The following GLDC variants were observed in gnomAD, a reference collection of about 807,000 sequenced individuals.
GLDC encodes the protein glycine dehydrogenase (decarboxylating), mitochondrial.
A neutral mutation model predicts 121.3 loss-of-function variants in GLDC; 104 were observed. The ratio of observed to expected loss-of-function variants is 0.86; its 90% confidence interval spans 0.73 to 1.01. The LOEUF is 1.01. GLDC is among the 50% of genes least tolerant of loss of function. The probability of loss-of-function intolerance (pLI) is 0.00; values close to 1 mark genes in which losing one functional copy is unlikely to be tolerated. For synonymous variants in GLDC, 546 were observed against 480.6 expected, an observed-to-expected ratio of 1.14 and a Z score of -1.78; for missense variants, 1,429 against 1,306.6, an observed-to-expected ratio of 1.09 and a Z score of -1.44.
intron 22 of GLDC, among the ~76,000 whole-genome samples, chr9:6,539,031 ATTAAATTTAAAAGATTTTTTT>A (rs1373411340): frequency 1.3e-5 from 2 of 151,166 alleles, no homozygotes; most frequent in Non-Finnish European, 3.0e-5. Flanking sequence ...TAGTGAAACT[ATTAAATTTAAAAGATTTTTTT>A]CTTTTTTTCC....
At chr9:6,556,727 G>A (rs1817639096) in intron 17 of GLDC, among the ~76,000 whole-genome samples, 1 of 151,672 alleles carries the variant, frequency 6.6e-6, no homozygotes, top group Non-Finnish European at 1.5e-5. Flanking sequence ...CGGTGAGGTG[G>A]AGGTTGTAGT....
At chr9:6,598,769 C>T (rs1818540918) in intron 8 of GLDC, among the ~76,000 whole-genome samples, 1 of 152,212 alleles carries the variant, frequency 6.6e-6, no homozygotes, top group Admixed American at 6.5e-5. Context: ...ATCAGACAAG[C>T]TGGAGTATGG....
At chr9:6,552,046 C>A (rs1285170308) in intron 20 of GLDC, among the ~76,000 whole-genome samples, 3 of 152,088 alleles carry the variant, frequency 2.0e-5, no homozygotes, top group Non-Finnish European at 4.4e-5. Context: ...TAGTGAGAAC[C>A]AGGTAAAGCA....
chr9:6,562,354 C>T (rs1817774429), intron 16 of GLDC, among the ~76,000 whole-genome samples: 1 of 152,118 alleles, frequency 6.6e-6, no homozygotes, highest in Admixed American at 6.5e-5. Flanking sequence ...GGAGCCCAGG[C>T]ACTTCTGTAG....
At chr9:6,630,364 C>A (rs1396632450) in intron 2 of GLDC, among the ~76,000 whole-genome samples, 2 of 152,018 alleles carry the variant, frequency 1.3e-5, no homozygotes, top group African/African-American at 4.8e-5. Context: ...CCCATCAGTC[C>A]CAGGCATCAG....
chr9:6,635,977 A>T (rs1453910713), intron 2 of GLDC, among the ~76,000 whole-genome samples: 1 of 152,240 alleles, frequency 6.6e-6, no homozygotes, highest in East Asian at 1.9e-4. Flanking sequence ...TAGAATGTGC[A>T]ACACCAAGAC....
At chr9:6,635,236 A>T (rs917848500) in intron 2 of GLDC, among the ~76,000 whole-genome samples, 2 of 152,242 alleles carry the variant, frequency 1.3e-5, no homozygotes, top group African/African-American at 4.8e-5. Flanking sequence ...TGCCTGAAGC[A>T]GTATCTTATC....
chr9:6,579,969 C>G (rs1227197599), intron 15 of GLDC, among the ~76,000 whole-genome samples: 2 of 152,190 alleles, frequency 1.3e-5, no homozygotes, highest in African/African-American at 4.8e-5. Context: ...GCTGTCAGTC[C>G]TCTGTTGGGG....
intron 3 of GLDC, among the ~76,000 whole-genome samples, chr9:6,613,602 A>G (rs1818905574): frequency 6.6e-6 from 1 of 152,234 alleles, no homozygotes; most frequent in Non-Finnish European, 1.5e-5. Context: ...TATGAAATAA[A>G]TTATTTAAGT....
intron 7 of GLDC, among the ~76,000 whole-genome samples, chr9:6,602,684 C>T (rs557665842): frequency 4.3e-4 from 65 of 152,194 alleles, no homozygotes; most frequent in Non-Finnish European, 7.9e-4. Flanking sequence ...TACTCTGAGA[C>T]ACCAAGATAT....
intron 24 of GLDC, among the ~76,000 whole-genome samples, chr9:6,533,531 T>C (rs77048887): frequency 0.014 from 2,073 of 152,306 alleles, 38 homozygotes; most frequent in African/African-American, 0.047. Flanking sequence ...ATTTATTTGC[T>C]ATGTCATTTT....
intron 8 of GLDC, among the ~76,000 whole-genome samples, chr9:6,596,482 T>TGG (rs1818496454): frequency 2.0e-5 from 3 of 152,216 alleles, no homozygotes; most frequent in Non-Finnish European, 4.4e-5. Flanking sequence ...GGCTCACGCC[T>TGG]GTAATCCCAA....
chr9:6,564,097 A>T (rs1314104004), intron 16 of GLDC, among the ~76,000 whole-genome samples: 1 of 152,006 alleles, frequency 6.6e-6, no homozygotes, highest in Non-Finnish European at 1.5e-5. Flanking sequence ...AAAATACAAA[A>T]ATTAGCCGGG....
chr9:6,622,588 G>C (rs929083489), intron 2 of GLDC, among the ~76,000 whole-genome samples: 4 of 152,196 alleles, frequency 2.6e-5, no homozygotes, highest in East Asian at 1.9e-4. Flanking sequence ...ATCTCGGCTC[G>C]CTACAACCTC....
chr9:6,577,417 C>G (rs1818087432), intron 15 of GLDC, among the ~76,000 whole-genome samples: 1 of 152,190 alleles, frequency 6.6e-6, no homozygotes, highest in Non-Finnish European at 1.5e-5. Context: ...CAACCTTATC[C>G]CATATCCATC....
intron 3 of GLDC, among the ~76,000 whole-genome samples, chr9:6,610,768 TTTTGTATTC>T (rs972460270): frequency 2.6e-5 from 4 of 152,114 alleles, no homozygotes; most frequent in African/African-American, 4.8e-5. Flanking sequence ...CTCAGCTAAT[TTTTGTATTC>T]TTTGTACAGC....
chr9:6,554,942 C>T (rs961447122), intron 18 of GLDC, 161 bp from the exon 19 acceptor site: 3 of 686,168 alleles, frequency 4.4e-6, no homozygotes, highest in Admixed American at 4.2e-5. Flanking sequence ...TGGCCCAGTT[C>T]CGTAGTCACA....
chr9:6,599,068 C>G (rs932357617), intron 8 of GLDC, among the ~76,000 whole-genome samples: 1 of 151,868 alleles, frequency 6.6e-6, no homozygotes, highest in Admixed American at 6.6e-5. Flanking sequence ...CCTGTAATCC[C>G]AGCTACTCAG....
intron 5 of GLDC, 23 bp downstream of exon 5, chr9:6,606,568 TA>T: frequency 1.4e-6 from 2 of 1,392,740 alleles, no homozygotes; most frequent in Non-Finnish European, 2.0e-6. Context: ...ATACTGAGTT[TA>T]AAACACGAAT....
Sources: gnomAD v4.1 joint callset for allele counts (sites outside exome capture counted in the v4.1 genomes callset) on GRCh38, gnomAD v4.1.1 for gene constraint, MANE v1.5 for transcripts, NCBI Gene and HGNC (gene_info 2026-07-23, HGNC 2026-07-21) for gene names.